CSMD1: variants seen among roughly 807,000 people sequenced by gnomAD.
The protein encoded by CSMD1 is CUB and Sushi multiple domains 1.
CSMD1 carries 213 observed loss-of-function variants against 417.5 expected under a neutral mutation model. The ratio of observed to expected loss-of-function variants is 0.51; its 90% CI spans 0.46 to 0.57. CSMD1 has a LOEUF of 0.57. CSMD1 is among the 20% of genes least tolerant of loss of function. The probability of loss-of-function intolerance (pLI) is 0.00; values close to 1 mark genes in which losing one functional copy is unlikely to be tolerated. For missense variants in CSMD1, 6,923 were observed against 4,529.7 expected (o/e 1.53, Z -15.17); for synonymous variants, 2,862 against 1,736.8 (o/e 1.65, Z -16.11).
intron 1 of CSMD1, among the ~76,000 whole-genome samples, chr8:4,927,987 G>C (rs1362752702): frequency 1.3e-5 from 2 of 152,062 alleles, no homozygotes; most frequent in African/African-American, 2.4e-5. Flanking sequence ...TCTGTGTAAA[G>C]CTCCCGAGTC....
intron 3 of CSMD1, among the ~76,000 whole-genome samples, chr8:4,069,729 C>T (rs535970599): frequency 6.6e-6 from 1 of 152,226 alleles, no homozygotes; most frequent in East Asian, 1.9e-4. Flanking sequence ...ACTCTAGGCA[C>T]CTTGAGTTTA....
chr8:3,121,037 T>G (rs1817173185), intron 41 of CSMD1, among the ~76,000 whole-genome samples: 1 of 152,014 alleles, frequency 6.6e-6, no homozygotes, highest in African/African-American at 2.4e-5. Flanking sequence ...AAAAGGTGAA[T>G]GTTTAAAGAT....
rs976469696 is a variant in CSMD1 at position 4,037,568 on chromosome 8, G to A, written c.416-5469C>T. 1.1e-4 allele frequency among the ~76,000 whole-genome samples: 17 copies of A among 151,898 alleles called. No individual in the cohort carries two copies. In the East Asian group the frequency reaches 2.3e-3, roughly 21 times the overall value. ...TCAGACATAGCCTTTGCAAGGTGCC[G>A]TTTTTCAACTGACAGGGATTGCAAT... is the stretch of plus-strand genomic sequence containing the variant. On this transcript the variant is annotated intron_variant, in intron 3 of 69. Transcript: ENST00000635120.
At chr8:4,175,119 A>T (rs552974517) in intron 3 of CSMD1, among the ~76,000 whole-genome samples, 1 of 152,164 alleles carries the variant, frequency 6.6e-6, no homozygotes, top group Admixed American at 6.5e-5. Flanking sequence ...GAATAATAAT[A>T]TCTGAGGAAT....
At chr8:3,522,397 C>T (rs1015094556) in intron 10 of CSMD1, among the ~76,000 whole-genome samples, 1 of 152,104 alleles carries the variant, frequency 6.6e-6, no homozygotes, top group Admixed American at 6.5e-5. Flanking sequence ...ATATTGTTTC[C>T]ATTTCGTGTG....
At chr8:3,629,865 T>C (rs1301454041) in intron 7 of CSMD1, among the ~76,000 whole-genome samples, 2 of 152,196 alleles carry the variant, frequency 1.3e-5, no homozygotes, top group Non-Finnish European at 2.9e-5. Flanking sequence ...ACAAAACTAG[T>C]TGTACAGGAA....
intron 1 of CSMD1, among the ~76,000 whole-genome samples, chr8:4,697,456 C>T (rs570296808): frequency 5.3e-5 from 8 of 152,036 alleles, no homozygotes; most frequent in Non-Finnish European, 8.8e-5. Flanking sequence ...AAGTTCAATA[C>T]GTAAAAAATT....
intron 7 of CSMD1, among the ~76,000 whole-genome samples, chr8:3,669,123 T>G (rs1458247343): frequency 6.6e-6 from 1 of 152,210 alleles, no homozygotes; most frequent in Non-Finnish European, 1.5e-5. Context: ...ATTAGTTAAT[T>G]ATCCCTCAAG....
At chr8:4,225,624 G>C (rs991237056) in intron 3 of CSMD1, among the ~76,000 whole-genome samples, 2 of 150,158 alleles carry the variant, frequency 1.3e-5, no homozygotes, top group African/African-American at 2.5e-5. Flanking sequence ...CCATTTTCCT[G>C]TCTGATCTGC....
intron 3 of CSMD1, among the ~76,000 whole-genome samples, chr8:4,270,724 T>C (rs555643977): frequency 4.8e-4 from 73 of 152,240 alleles, no homozygotes; most frequent in African/African-American, 1.6e-3. Flanking sequence ...AATGTGAAAA[T>C]AGAAATATTG....
intron 3 of CSMD1, among the ~76,000 whole-genome samples, chr8:4,300,415 G>A (rs560585945): frequency 3.9e-4 from 60 of 152,228 alleles, no homozygotes; most frequent in Non-Finnish European, 5.4e-4. Flanking sequence ...TTTTGTAAGC[G>A]ATGATGCCAG....
At chr8:4,353,647 C>A (rs887866314) in intron 3 of CSMD1, among the ~76,000 whole-genome samples, 1 of 152,080 alleles carries the variant, frequency 6.6e-6, no homozygotes, top group African/African-American at 2.4e-5. Context: ...ACAGGCTAAA[C>A]CTTCTCAATC....
intron 4 of CSMD1, among the ~76,000 whole-genome samples, chr8:4,023,404 C>T (rs1037955633): frequency 3.9e-5 from 6 of 152,048 alleles, no homozygotes; most frequent in Non-Finnish European, 7.3e-5. Flanking sequence ...AAAGTAATTC[C>T]AATTTCATTA....
At chr8:4,142,074 A>G (rs1395613152) in intron 3 of CSMD1, among the ~76,000 whole-genome samples, 1 of 151,200 alleles carries the variant, frequency 6.6e-6, no homozygotes, top group East Asian at 1.9e-4. Flanking sequence ...AAAAAAAATA[A>G]CTCCATACTG....
intron 3 of CSMD1, among the ~76,000 whole-genome samples, chr8:4,102,559 G>A (rs1029860036): frequency 4.6e-5 from 7 of 150,832 alleles, no homozygotes; most frequent in Admixed American, 1.3e-4. Flanking sequence ...CTTATCACAG[G>A]AGGCTGACTC....
At chr8:3,143,975 C>A (rs1585466540) in intron 40 of CSMD1, among the ~76,000 whole-genome samples, 1 of 152,118 alleles carries the variant, frequency 6.6e-6, no homozygotes, top group Non-Finnish European at 1.5e-5. Context: ...AATCTCTCAA[C>A]AAAATTTAAA....
chr8:4,098,558 G>A (rs908851366), intron 3 of CSMD1, among the ~76,000 whole-genome samples: 3 of 152,070 alleles, frequency 2.0e-5, no homozygotes, highest in African/African-American at 7.2e-5. Flanking sequence ...GATTCAGTCA[G>A]TGGATTCGGC....
chr8:3,419,737 AG>A (rs1813371198), intron 12 of CSMD1, among the ~76,000 whole-genome samples: 1 of 152,256 alleles, frequency 6.6e-6, no homozygotes, highest in East Asian at 1.9e-4. Flanking sequence ...CAACATGTCA[AG>A]AAAAAAATCT....
intron 30 of CSMD1, among the ~76,000 whole-genome samples, chr8:3,206,327 G>C (rs1426377448): frequency 7.1e-6 from 1 of 140,692 alleles, no homozygotes; most frequent in African/African-American, 2.7e-5. Flanking sequence ...TGTGTGGTAT[G>C]TGTGTATGTG....
Sources: allele counts gnomAD v4.1 joint callset (sites outside exome capture counted in the v4.1 genomes callset), GRCh38; gene constraint gnomAD v4.1.1; transcripts MANE v1.5; gene names NCBI Gene and HGNC (gene_info 2026-07-23, HGNC 2026-07-21).